FYN: variants seen among roughly 807,000 people sequenced by gnomAD.
FYN encodes FYN proto-oncogene, Src family tyrosine kinase.
Under a neutral mutation model 70.2 loss-of-function variants are expected in FYN, and 10 were observed. The observed-to-expected ratio is 0.14, with a 90% confidence interval of 0.09 to 0.24. The LOEUF (loss-of-function observed/expected upper bound fraction) is 0.24, where lower values mean the gene tolerates loss of function less well. FYN is among the 10% of genes least tolerant of loss of function. FYN has a pLI of 1.00. For synonymous variants in FYN, 236 were observed against 248.6 expected, an observed-to-expected ratio of 0.95 and a Z score of 0.48; for missense variants, 319 against 673.1, an observed-to-expected ratio of 0.47 and a Z score of 5.82.
chr6:111,708,430 T>G (rs924267721), intron 5 of FYN, among the ~76,000 whole-genome samples: 2 of 152,230 alleles, frequency 1.3e-5, no homozygotes, highest in Non-Finnish European at 2.9e-5. Flanking sequence ...CAATATGAGC[T>G]GCACAGTACT....
Position 111,694,095 on chromosome 6 carries a change from G to T in FYN, c.1273+280C>A, listed in dbSNP as rs1269363005. 6.6e-6 allele frequency among the ~76,000 whole-genome samples: 1 copy of T among 152,038 alleles called. No homozygotes were observed. Among genetic ancestry groups the T allele is most frequent in the Non-Finnish European group, 1.5e-5 (1 of 68,022 alleles). The stretch of plus-strand genomic sequence containing the variant: ...AAAACAGAGTATTCTAGGCCTGGAC[G>T]CTGTGAGGAGACCAGCATGAGCCAA... On this transcript the variant is annotated intron_variant, in intron 12 of 13. Coordinates refer to ENST00000354650, the MANE Select transcript of FYN (RefSeq NM_002037.5). The surrounding 1 kb of genome is among the most constrained non-coding windows in gnomAD (Gnocchi z 5.0).
intron 1 of FYN, among the ~76,000 whole-genome samples, chr6:111,870,009 T>C (rs1461456127): frequency 6.6e-6 from 1 of 152,234 alleles, no homozygotes; most frequent in Admixed American, 6.5e-5. Context: ...AGCCTATAAG[T>C]TTCTTGAGGG....
intron 5 of FYN, among the ~76,000 whole-genome samples, chr6:111,708,461 CCT>C (rs10546163): frequency 0.024 from 3,591 of 152,178 alleles, 146 homozygotes; most frequent in African/African-American, 0.077. Flanking sequence ...TGTAAGCACC[CCT>C]CTCTTTCAAG....
intron 3 of FYN, among the ~76,000 whole-genome samples, chr6:111,746,508 C>T (rs1430312470): frequency 6.6e-6 from 1 of 152,158 alleles, no homozygotes; most frequent in Admixed American, 6.5e-5. Flanking sequence ...TTTATTGCTG[C>T]TGAGTGGCAT....
chr6:111,803,605 G>A (rs887562122), intron 2 of FYN, among the ~76,000 whole-genome samples: 1 of 152,028 alleles, frequency 6.6e-6, no homozygotes, highest in African/African-American at 2.4e-5. Context: ...CCACTTCATA[G>A]TGTTTTGAAC....
At chr6:111,723,355 A>T (rs1013001476) in intron 3 of FYN, among the ~76,000 whole-genome samples, 9 of 152,176 alleles carry the variant, frequency 5.9e-5, no homozygotes, top group Admixed American at 5.9e-4. Context: ...TCACTCAATA[A>T]ATATTAGTTA....
chr6:111,661,653 G>C lies in FYN; in HGVS notation c.*86C>G. 1 of 1,296,844 alleles carries C rather than the reference G, an allele frequency of 7.7e-7. No homozygotes were observed. 80.3% of individuals were successfully genotyped at this position (1,296,844 alleles called of 1,614,324 possible). ...TCTGATCCTGGGCGGTTCCGCTGCT[G>C]GGGAGCAGCTGGCTACGGAATTGAA... is the stretch of plus-strand genomic sequence containing the variant. On this transcript the variant is annotated 3_prime_UTR_variant, in exon 14 of 14. Transcript: ENST00000354650. The surrounding 1 kb of genome is among the most constrained non-coding windows in gnomAD (Gnocchi z 4.0).
intron 3 of FYN, among the ~76,000 whole-genome samples, chr6:111,774,576 C>CA (rs1303094913): frequency 2.6e-5 from 4 of 152,088 alleles, no homozygotes; most frequent in Admixed American, 6.5e-5. Context: ...CCATCCCCCC[C>CA]ACACACTCCC....
chr6:111,733,418 G>A lies in FYN; in HGVS notation c.-11-13356C>T, dbSNP rs147527433. On this transcript the variant is annotated intron_variant, in intron 3 of 13. Coordinates refer to ENST00000354650, the MANE Select transcript of FYN (RefSeq NM_002037.5). ...TACACCATGCTGTTTTTTGAGAAGC[G>A]TGCTCTGCTCCTAGCCATTTTCTAA... 2.7e-3 allele frequency among the ~76,000 whole-genome samples: 410 copies of A among 152,246 alleles called. 2 individuals are homozygous for A. The highest frequency in any genetic ancestry group is 9.1e-3 in the African/African-American group (378 of 41,534).
chr6:111,665,336 G>C (rs1020078211), intron 13 of FYN, among the ~76,000 whole-genome samples: 2 of 151,782 alleles, frequency 1.3e-5, no homozygotes, highest in African/African-American at 2.4e-5. Flanking sequence ...TGAAAATCAT[G>C]GTTTTTTTAA....
At chr6:111,744,542 G>C (rs1353859651) in intron 3 of FYN, among the ~76,000 whole-genome samples, 6 of 152,186 alleles carry the variant, frequency 3.9e-5, no homozygotes, top group Non-Finnish European at 8.8e-5. Flanking sequence ...GCAATTATTT[G>C]ATCTTTCCTG....
intron 12 of FYN, among the ~76,000 whole-genome samples, chr6:111,681,839 C>T (rs1434075495): frequency 2.0e-5 from 3 of 151,964 alleles, no homozygotes; most frequent in South Asian, 4.2e-4. Flanking sequence ...GATGAGAAAA[C>T]GGAACACCGA....
intron 1 of FYN, among the ~76,000 whole-genome samples, chr6:111,868,525 G>C (rs987651757): frequency 6.6e-6 from 1 of 151,286 alleles, no homozygotes; most frequent in African/African-American, 2.4e-5. Flanking sequence ...AATGGAAGGA[G>C]GGTAGGGATG....
intron 2 of FYN, among the ~76,000 whole-genome samples, chr6:111,818,390 C>T (rs1772555191): frequency 6.6e-6 from 1 of 152,062 alleles, no homozygotes; most frequent in African/African-American, 2.4e-5. Flanking sequence ...TTGATCTGAT[C>T]AAGCTGATTA....
At chr6:111,743,456 T>C (rs1040863462) in intron 3 of FYN, among the ~76,000 whole-genome samples, 8 of 152,202 alleles carry the variant, frequency 5.3e-5, no homozygotes, top group Admixed American at 5.2e-4. Context: ...CTTTGAGTAA[T>C]TCTGGCGACC....
At chr6:111,864,956 T>C (rs1247196725) in intron 1 of FYN, among the ~76,000 whole-genome samples, 1 of 152,184 alleles carries the variant, frequency 6.6e-6, no homozygotes. Context: ...ACCTAACACA[T>C]GCCTCCGAGT....
At position 111,694,667 on chromosome 6, in the gene FYN, T is replaced by A. The variant is rs1799498083; in HGVS notation, c.1080A>T (p.Arg360Ser). ...LLDFLKDGEGRALKLPNLVDM... is the reference protein window; with the variant it reads ...LLDFLKDGEGSALKLPNLVDM... Reference sequence around the variant, plus strand: ...CCACAAGATTTGGTAATTTCAGAGCTCTTCCTTCTCCATCTTTTAAGAAAT... The same window carrying A: ...CCACAAGATTTGGTAATTTCAGAGCACTTCCTTCTCCATCTTTTAAGAAAT... Residue 360 changes from arginine to serine, a missense_variant, in exon 11 of 14, where the codon AGA (arginine) becomes AGT (serine). Coordinates refer to ENST00000354650, the MANE Select transcript of FYN (RefSeq NM_002037.5). The surrounding 1 kb of genome is among the most constrained non-coding windows in gnomAD (Gnocchi z 5.0). The A allele has an allele frequency of 6.2e-7, 1 of 1,614,050 alleles. No homozygotes were observed. Among genetic ancestry groups the A allele is most frequent in the Non-Finnish European group, 8.5e-7 (1 of 1,179,990 alleles).
intron 2 of FYN, among the ~76,000 whole-genome samples, chr6:111,825,979 A>C (rs988046907): frequency 2.6e-5 from 4 of 152,286 alleles, no homozygotes; most frequent in African/African-American, 9.6e-5. Flanking sequence ...ATTAAGAGTT[A>C]GGGCGAGTAT....
chr6:111,754,168 A>G (rs983561509), intron 3 of FYN, among the ~76,000 whole-genome samples: 2 of 152,200 alleles, frequency 1.3e-5, no homozygotes, highest in Non-Finnish European at 2.9e-5. Flanking sequence ...AATGCTAGGC[A>G]ATATGAAGAT....
Sources: gnomAD v4.1 joint callset for allele counts (sites outside exome capture counted in the v4.1 genomes callset) on GRCh38, gnomAD v4.1.1 for gene constraint, Gnocchi (gnomAD v3.1) non-coding constraint, MANE v1.5 for transcripts, NCBI Gene and HGNC (gene_info 2026-07-23, HGNC 2026-07-21) for gene names.